Variants in RASGEF1A observed in about 807,000 individuals in gnomAD.
The protein encoded by RASGEF1A is ras-GEF domain-containing family member 1A.
RASGEF1A carries 18 observed loss-of-function variants against 56.4 expected under a neutral mutation model. That is an observed-to-expected ratio of 0.32 (90% CI 0.22 to 0.47). The LOEUF (loss-of-function observed/expected upper bound fraction) is 0.47, where lower values mean the gene tolerates loss of function less well. Among genes scored for constraint, RASGEF1A ranks in the 20% least tolerant of loss-of-function variants. The pLI is 1.00. For synonymous variants in RASGEF1A, 245 were observed against 242.6 expected (o/e 1.01, Z -0.09); for missense variants, 422 against 627.1 (o/e 0.67, Z 3.49).
intron 1 of RASGEF1A, among the ~76,000 whole-genome samples, chr10:43,254,207 G>T (rs569710749): frequency 6.6e-6 from 1 of 152,298 alleles, no homozygotes; most frequent in Admixed American, 6.5e-5. Context: ...GGGAGGGCGG[G>T]AGACAAACAG....
Position 43,233,018 on chromosome 10 carries a change from C to A in RASGEF1A, c.-6-26896G>T, listed in dbSNP as rs188627094. 3.2e-3 allele frequency among the ~76,000 whole-genome samples: 481 copies of A among 152,280 alleles called. 2 individuals carry two copies. The highest frequency in any genetic ancestry group is 5.5e-3 in the Non-Finnish European group (377 of 68,012). ...CTCGACAGGCCCTGCCCACCCTCCC[C>A]CTGCGTGCAATGTGCTCTGCAGTGT... is the stretch of plus-strand genomic sequence containing the variant. On this transcript the variant is annotated intron_variant, in intron 1 of 12. Coordinates refer to ENST00000395810, the MANE Select transcript of RASGEF1A (RefSeq NM_145313.4).
chr10:43,245,972 C>T (rs1422276901), intron 1 of RASGEF1A, among the ~76,000 whole-genome samples: 1 of 152,104 alleles, frequency 6.6e-6, no homozygotes, highest in African/African-American at 2.4e-5. Flanking sequence ...GTAAAACTAT[C>T]TCTATTTGCA....
At chr10:43,199,264 G>A (rs1369519155) in intron 7 of RASGEF1A, 70 bp from the exon 8 acceptor site, 4 of 1,185,984 alleles carry the variant, frequency 3.4e-6, no homozygotes, top group Non-Finnish European at 3.7e-6. Context: ...GCCGGGCAGA[G>A]GAACAGAGGG....
intron 1 of RASGEF1A, chr10:43,229,721 C>T (rs1840335910): frequency 1.4e-6 from 2 of 1,405,612 alleles, no homozygotes; most frequent in Non-Finnish European, 1.8e-6. Flanking sequence ...CTCCTCTGCC[C>T]GCGAGCCAAG....
At chr10:43,216,421 T>G (rs1023353098) in intron 1 of RASGEF1A, among the ~76,000 whole-genome samples, 1 of 152,218 alleles carries the variant, frequency 6.6e-6, no homozygotes, top group Non-Finnish European at 1.5e-5. Context: ...GGTCCTCACC[T>G]TACCCTGCGG....
chr10:43,234,955 T>C (rs1840412568), intron 1 of RASGEF1A, among the ~76,000 whole-genome samples: 1 of 152,156 alleles, frequency 6.6e-6, no homozygotes, highest in Non-Finnish European at 1.5e-5. Context: ...GGCTGGTCAG[T>C]ACCCCTGGGC....
chr10:43,195,989 CATGG>C lies in RASGEF1A; in HGVS notation c.*251_*254del. 2.9e-6 allele frequency: 1 copy of C among 347,260 alleles called. No individual in the cohort carries two copies. The highest frequency in any genetic ancestry group is 5.5e-4 in the Middle Eastern group (1 of 1,816). The allele number at this position is 347,260 out of a possible 1,614,324, so 21.5% of individuals were successfully genotyped here. A position where few individuals can be genotyped will look rare whatever the true frequency, so the allele number is the denominator to read the frequency against. On this transcript the variant is annotated 3_prime_UTR_variant, in exon 13 of 13. Transcript: ENST00000395810. This position sits in a 1 kb window ranked among gnomAD's most constrained non-coding sequence, Gnocchi z 4.2. Reference sequence around the variant, plus strand: ...ACATTTCATTAGAATAAGATGTTATCATGGATACCATCTCCCATGATACTCTCCC... The same window carrying C: ...ACATTTCATTAGAATAAGATGTTATCATACCATCTCCCATGATACTCTCCC...
chr10:43,216,408 G>C (rs1840137556), intron 1 of RASGEF1A, among the ~76,000 whole-genome samples: 1 of 152,210 alleles, frequency 6.6e-6, no homozygotes, highest in African/African-American at 2.4e-5. Context: ...ACCATCTTGT[G>C]GGGGTCCTCA....
At chr10:43,254,165 C>G (rs1840658793) in intron 1 of RASGEF1A, among the ~76,000 whole-genome samples, 6 of 152,306 alleles carry the variant, frequency 3.9e-5, no homozygotes, top group Admixed American at 3.9e-4. Context: ...GAAAATATCC[C>G]CTGCAGGAAA....
chr10:43,199,921 G>A (rs1659422971), intron 6 of RASGEF1A, among the ~76,000 whole-genome samples, 153 bp from the exon 7 acceptor site: 1 of 152,266 alleles, frequency 6.6e-6, no homozygotes, highest in Admixed American at 6.5e-5. Flanking sequence ...GTGCAGGGCT[G>A]GCAGGCCAGG....
rs1038102514 is a variant in RASGEF1A at position 43,196,410 on chromosome 10, AC to A, written c.1421+65del. ...CCCAGGCTCCCTTTCCAGGAGGGTA[AC>A]CCTCGTGCCCACCCTGAGTCCTCCC... On this transcript the variant is annotated intron_variant, in intron 12 of 12. Transcript: ENST00000395810. The surrounding 1 kb of genome is among the most constrained non-coding windows in gnomAD (Gnocchi z 4.6). 6.4e-7 allele frequency: 1 copy of A among 1,566,060 alleles called. No individual in the cohort carries two copies. Among genetic ancestry groups the A allele is most frequent in the Non-Finnish European group, 8.8e-7 (1 of 1,136,710 alleles).
chr10:43,229,843 G>T, intron 1 of RASGEF1A: 1 of 834,494 alleles, frequency 1.2e-6, no homozygotes, highest in Non-Finnish European at 1.6e-6. Context: ...GTCCGGGCGG[G>T]GCAGAGGGGC....
chr10:43,228,612 G>A (rs1840314224), intron 1 of RASGEF1A, among the ~76,000 whole-genome samples: 1 of 152,228 alleles, frequency 6.6e-6, no homozygotes, highest in African/African-American at 2.4e-5. Context: ...TGAGCTGAGG[G>A]ACTTGGGGGC....
intron 1 of RASGEF1A, chr10:43,207,931 C>T: frequency 1.4e-6 from 1 of 703,972 alleles, no homozygotes; most frequent in African/African-American, 1.9e-5. Context: ...TCACCACCTC[C>T]AGGAAGCCTC....
chr10:43,231,521 C>T (rs1840367032), intron 1 of RASGEF1A, among the ~76,000 whole-genome samples: 1 of 152,250 alleles, frequency 6.6e-6, no homozygotes, highest in African/African-American at 2.4e-5. Flanking sequence ...GGGTGGGCAG[C>T]CCCACAAGCC....
At chr10:43,203,591 T>G in intron 2 of RASGEF1A, 171 bp from the exon 3 acceptor site, 1 of 1,258,748 alleles carries the variant, frequency 7.9e-7, no homozygotes, top group South Asian at 1.6e-5. Flanking sequence ...CTCCTCTTAC[T>G]GCTACCCCGG....
At chr10:43,213,623 G>A (rs1389401797) in intron 1 of RASGEF1A, among the ~76,000 whole-genome samples, 2 of 152,118 alleles carry the variant, frequency 1.3e-5, no homozygotes, top group Non-Finnish European at 2.9e-5. Flanking sequence ...ACGTTGGAGA[G>A]TTTTTTATTG....
At position 43,199,711 on chromosome 10, in the gene RASGEF1A, A is replaced by C; in HGVS notation, c.814T>G (p.Cys272Gly). The C allele has an allele frequency of 1.2e-6, 2 of 1,613,732 alleles. No homozygotes were observed. Among genetic ancestry groups the C allele is most frequent in the South Asian group, 2.2e-5 (2 of 91,090 alleles). The change falls in exon 7 of 13, where the codon TGC (cysteine) becomes GGC (glycine). Residue 272 changes from cysteine to glycine, a missense_variant. This residue lies in a region of RASGEF1A where 149 missense variants were observed against 287.2 expected (regional missense o/e 0.52). Coordinates refer to ENST00000395810, the MANE Select transcript of RASGEF1A (RefSeq NM_145313.4). ...TCAGTGGCCACCAGCATGCTCAGGC[A>C]GTTGAACCAGTTGTCATAGGCCTCC... ...SLEAYDNWFN[C>G]LSMLVATEVC...
intron 1 of RASGEF1A, among the ~76,000 whole-genome samples, chr10:43,215,671 C>T (rs948898486): frequency 2.0e-5 from 3 of 152,166 alleles, no homozygotes; most frequent in Non-Finnish European, 4.4e-5. Context: ...CATTCATTCA[C>T]AAGTGGTAAT....
Sources: gnomAD v4.1 joint callset for allele counts (sites outside exome capture counted in the v4.1 genomes callset) on GRCh38, gnomAD v4.1.1 for gene constraint, gnomAD v4.1.1 regional missense constraint, Gnocchi (gnomAD v3.1) non-coding constraint, MANE v1.5 for transcripts, NCBI Gene and HGNC (gene_info 2026-07-23, HGNC 2026-07-21) for gene names.